Variants in INTS4 observed in about 807,000 individuals in gnomAD.
The protein encoded by INTS4 is MSTP093.
In INTS4, 70 loss-of-function variants were observed where a neutral mutation model predicts 119.5. The observed-to-expected ratio is 0.59, with a 90% CI of 0.48 to 0.71. The LOEUF is 0.71. INTS4 is among the 30% of genes least tolerant of loss of function. INTS4 has a pLI of 0.00. For synonymous variants in INTS4, 316 were observed against 419.6 expected, an observed-to-expected ratio of 0.75 and a Z score of 3.02; for missense variants, 867 against 1,173.2, an observed-to-expected ratio of 0.74 and a Z score of 3.81.
intron 16 of INTS4, among the ~76,000 whole-genome samples, chr11:77,905,024 TAC>T (rs973610351): frequency 1.2e-4 from 18 of 152,222 alleles, no homozygotes; most frequent in African/African-American, 4.3e-4. Flanking sequence ...TATTTTGTTT[TAC>T]ACATTGAGGG....
chr11:77,942,334 G>A (rs1279185244), intron 8 of INTS4, among the ~76,000 whole-genome samples: 2 of 152,246 alleles, frequency 1.3e-5, no homozygotes, highest in South Asian at 2.1e-4. Flanking sequence ...ATCACAGTGC[G>A]AATGCCAAGT....
chr11:77,957,546 C>A (rs1480354413), intron 7 of INTS4, among the ~76,000 whole-genome samples: 1 of 148,720 alleles, frequency 6.7e-6, no homozygotes, highest in Non-Finnish European at 1.5e-5. Context: ...CAAGACCCTG[C>A]CTTAAAAAAA....
chr11:77,921,295 C>A (rs1301690353), intron 14 of INTS4, 45 bp downstream of exon 14: 1 of 1,600,094 alleles, frequency 6.2e-7, no homozygotes, highest in Non-Finnish European at 8.5e-7. Context: ...AATAACCCTA[C>A]CCCATGCAAA....
At chr11:77,912,748 T>C (rs1489586052) in intron 15 of INTS4, among the ~76,000 whole-genome samples, 1 of 152,226 alleles carries the variant, frequency 6.6e-6, no homozygotes, top group African/African-American at 2.4e-5. Context: ...TCTTTATTCC[T>C]GCACCTAGAT....
At chr11:77,954,645 G>A (rs2136564513) in intron 8 of INTS4, among the ~76,000 whole-genome samples, 1 of 152,304 alleles carries the variant, frequency 6.6e-6, no homozygotes, top group Admixed American at 6.5e-5. Context: ...AGATCATCAG[G>A]AATTAGACTC....
chr11:77,975,331 C>T (rs1416895582), intron 4 of INTS4, among the ~76,000 whole-genome samples: 1 of 152,018 alleles, frequency 6.6e-6, no homozygotes, highest in Non-Finnish European at 1.5e-5. Context: ...TTCGTTGACT[C>T]ATTAGTTACA....
At chr11:77,883,751 A>C in intron 22 of INTS4, 81 bp downstream of exon 22, 1 of 1,467,572 alleles carries the variant, frequency 6.8e-7, no homozygotes, top group South Asian at 1.3e-5. Flanking sequence ...ATTTTTTTCA[A>C]ACTTTAAAAA....
At chr11:77,987,981 C>T (rs547025395) in intron 2 of INTS4, among the ~76,000 whole-genome samples, 2 of 152,136 alleles carry the variant, frequency 1.3e-5, no homozygotes, top group Admixed American at 6.5e-5. Flanking sequence ...CATGGTGAAA[C>T]CTCATCTCTA....
intron 2 of INTS4, among the ~76,000 whole-genome samples, chr11:77,982,264 TA>T (rs1263868613): frequency 6.6e-6 from 1 of 151,844 alleles, no homozygotes; most frequent in Non-Finnish European, 1.5e-5. Flanking sequence ...GCCTCCCAAG[TA>T]GCTGGGACTA....
At chr11:77,974,431 C>T (rs187816906) in intron 4 of INTS4, among the ~76,000 whole-genome samples, 305 of 151,556 alleles carry the variant, frequency 2.0e-3, no homozygotes, top group African/African-American at 7.0e-3. Flanking sequence ...TTAGTAGAGA[C>T]GGGGTTTCAC....
intron 4 of INTS4, among the ~76,000 whole-genome samples, chr11:77,975,199 T>C (rs1012318492): frequency 3.3e-5 from 5 of 152,170 alleles, no homozygotes; most frequent in African/African-American, 1.2e-4. Flanking sequence ...TTTTAGATCC[T>C]TATTCTTGTT....
At chr11:77,910,495 T>C in intron 15 of INTS4, among the ~76,000 whole-genome samples, 1 of 150,754 alleles carries the variant, frequency 6.6e-6, no homozygotes, top group Non-Finnish European at 1.5e-5. Flanking sequence ...TAATGCTAAA[T>C]GGTGAGTTAA....
At chr11:77,880,296 T>C (rs746686558) in intron 22 of INTS4, among the ~76,000 whole-genome samples, 5 of 152,136 alleles carry the variant, frequency 3.3e-5, no homozygotes, top group Non-Finnish European at 5.9e-5. Flanking sequence ...CATCCAAGCT[T>C]CTCTCTATGG....
At chr11:77,875,489 G>C (rs572202781), downstream of INTS4, among the ~76,000 whole-genome samples, 1 of 152,256 alleles carries the variant, frequency 6.6e-6, no homozygotes, top group African/African-American at 2.4e-5. Flanking sequence ...GACACCACTA[G>C]GTCCACACTT....
chr11:77,982,136 C>CT (rs777434800), intron 2 of INTS4, among the ~76,000 whole-genome samples: 2,916 of 131,292 alleles, frequency 0.022, 74 homozygotes, highest in African/African-American at 0.061. Context: ...TTCTACCTGT[C>CT]TTTTTTTTTT....
Position 77,879,138 on chromosome 11 carries a change from G to T in INTS4, c.2714-11C>A, listed in dbSNP as rs752209550. On this transcript the variant is annotated splice_polypyrimidine_tract_variant and intron_variant, in intron 22 of 22. Coordinates refer to ENST00000534064, the MANE Select transcript of INTS4 (RefSeq NM_033547.4). Reference sequence around the variant, plus strand: ...CCACCTGGCATGCCTCTGAAAAAAAGATAAAAGAAATCCTCTATAACTAGG... The same window carrying T: ...CCACCTGGCATGCCTCTGAAAAAAATATAAAAGAAATCCTCTATAACTAGG... The T allele has an allele frequency of 1.2e-6, 2 of 1,613,708 alleles. No homozygotes were observed. The highest frequency in any genetic ancestry group is 1.7e-6 in the Non-Finnish European group (2 of 1,179,820).
intron 11 of INTS4, among the ~76,000 whole-genome samples, chr11:77,926,322 G>T (rs72939465): frequency 0.022 from 3,339 of 152,144 alleles, 60 homozygotes; most frequent in Middle Eastern, 0.075. Flanking sequence ...AGTTTATATT[G>T]GTCTGAACTC....
intron 16 of INTS4, among the ~76,000 whole-genome samples, chr11:77,905,607 G>A (rs570643771): frequency 7.2e-5 from 11 of 152,254 alleles, no homozygotes; most frequent in Admixed American, 6.5e-4. Context: ...AAACTTCCTC[G>A]ATAAATGAGA....
intron 8 of INTS4, among the ~76,000 whole-genome samples, chr11:77,951,361 T>G (rs1954190940): frequency 6.6e-6 from 1 of 152,096 alleles, no homozygotes; most frequent in Admixed American, 6.6e-5. Context: ...TAATGCCGCA[T>G]ATCTACAACC....
Sources: gnomAD v4.1 joint callset for allele counts (sites outside exome capture counted in the v4.1 genomes callset) on GRCh38, gnomAD v4.1.1 for gene constraint, MANE v1.5 for transcripts, NCBI Gene and HGNC (gene_info 2026-07-23, HGNC 2026-07-21) for gene names.